DNAH3: variants seen among roughly 807,000 people sequenced by gnomAD.
The protein encoded by DNAH3 is dynein axonemal heavy chain 3.
Under a neutral mutation model 432.5 loss-of-function variants are expected in DNAH3, and 332 were observed. The observed-to-expected ratio is 0.77, with a 90% CI of 0.70 to 0.84. The LOEUF is 0.84. Among genes scored for constraint, DNAH3 ranks in the 40% least tolerant of loss-of-function variants. The probability of loss-of-function intolerance (pLI) is 0.00; values close to 1 mark genes in which losing one functional copy is unlikely to be tolerated. For synonymous variants in DNAH3, 1,956 were observed against 1,900.2 expected, an observed-to-expected ratio of 1.03 and a Z score of -0.76; for missense variants, 4,861 against 5,114.0, an observed-to-expected ratio of 0.95 and a Z score of 1.51.
chr16:21,136,415 C>T lies in DNAH3; in HGVS notation c.795G>A (p.Thr265=), dbSNP rs368240270. ...GCTCCAGGAAGGGACTCGTCAGCAG[C>T]GTGTTAGAAATCAGCTTTGAAATCC... Residue 265 remains threonine (T), a synonymous_variant, in exon 6 of 62, where the codon ACG becomes ACA. Transcript: ENST00000261383. 7.4e-6 allele frequency: 12 copies of T among 1,613,954 alleles called. No homozygotes were observed. The East Asian group carries it at 1.1e-4, about 15-fold the overall frequency.
chr16:20,935,435 G>C lies in DNAH3; in HGVS notation c.11910C>G (p.Tyr3970Ter). The stretch of plus-strand genomic sequence containing the variant: ...CGCCAGTCAAAAAAGACTGTGTGAA[G>C]TAGAATCCAGAGATCCAAAATACCA... The change falls in exon 61 of 62, where the codon TAC becomes TAG. Residue 3970 changes from tyrosine to a stop codon, truncating the protein, a stop_gained. Transcript: ENST00000261383. LOFTEE classifies it high-confidence loss of function. 6.2e-7 allele frequency: 1 copy of C among 1,612,762 alleles called. No homozygotes were observed. Among genetic ancestry groups the C allele is most frequent in the Non-Finnish European group, 8.5e-7 (1 of 1,179,734 alleles).
intron 33 of DNAH3, among the ~76,000 whole-genome samples, chr16:21,039,118 AATGAGAT>A (rs1398843403): frequency 6.6e-6 from 1 of 152,164 alleles, no homozygotes; most frequent in Non-Finnish European, 1.5e-5. Flanking sequence ...ACAATACTTG[AATGAGAT>A]ATAACCTAGT....
At chr16:21,078,591 G>A (rs150171884) in intron 20 of DNAH3, among the ~76,000 whole-genome samples, 2 of 152,328 alleles carry the variant, frequency 1.3e-5, no homozygotes, top group Admixed American at 6.5e-5. Context: ...TGTGGCTGTG[G>A]CCAAGTCACT....
At chr16:20,998,765 G>T (rs954872089) in intron 43 of DNAH3, among the ~76,000 whole-genome samples, 19 of 149,092 alleles carry the variant, frequency 1.3e-4, no homozygotes, top group Admixed American at 4.7e-4. Flanking sequence ...AAAAAAAAAG[G>T]GGGGGGCTCC....
At chr16:20,952,647 A>T in intron 55 of DNAH3, 98 bp from the exon 56 acceptor site, 1 of 773,904 alleles carries the variant, frequency 1.3e-6, no homozygotes, top group Non-Finnish European at 2.3e-6. Flanking sequence ...ATGGATCAAA[A>T]GCCTCTTTCA....
chr16:21,101,336 G>GT (rs2091832277), intron 16 of DNAH3, among the ~76,000 whole-genome samples: 3 of 152,180 alleles, frequency 2.0e-5, no homozygotes, highest in Non-Finnish European at 2.9e-5. Context: ...TTGAACCATC[G>GT]TAAGTCAGTG....
At chr16:20,968,996 C>T (rs1436371143) in intron 52 of DNAH3, among the ~76,000 whole-genome samples, 1 of 151,874 alleles carries the variant, frequency 6.6e-6, no homozygotes, top group Non-Finnish European at 1.5e-5. Context: ...TCTATTTCTA[C>T]CTGTTTCTCT....
intron 23 of DNAH3, among the ~76,000 whole-genome samples, chr16:21,068,220 G>T (rs1475330361): frequency 6.6e-6 from 1 of 151,808 alleles, no homozygotes; most frequent in African/African-American, 2.4e-5. Flanking sequence ...ATCCTTCAAG[G>T]CTTGATCCCA....
chr16:20,984,776 A>C (rs1046610411), intron 48 of DNAH3, among the ~76,000 whole-genome samples: 1 of 152,128 alleles, frequency 6.6e-6, no homozygotes, highest in Admixed American at 6.5e-5. Context: ...GAGGCACCAG[A>C]ATCGCTTGAA....
At chr16:20,988,589 G>A (rs1250894747) in intron 44 of DNAH3, among the ~76,000 whole-genome samples, 1 of 152,154 alleles carries the variant, frequency 6.6e-6, no homozygotes, top group Non-Finnish European at 1.5e-5. Flanking sequence ...GCAGGCATGA[G>A]ACACCGCGCC....
Position 20,936,863 on chromosome 16 carries a change from C to T in DNAH3, c.11655-10G>A, listed in dbSNP as rs781049473. ...AACCACTTTGGTCAGCCTGCAAGAA[C>T]AGAGGAGCTGGCTGAGCTGGGCTCT... On this transcript the variant is annotated splice_polypyrimidine_tract_variant and intron_variant, in intron 59 of 61. Transcript: ENST00000261383. 3 of 1,605,030 alleles carry T rather than the reference C, an allele frequency of 1.9e-6. No individual in the cohort carries two copies. The highest frequency in any genetic ancestry group is 1.3e-5 in the African/African-American group (1 of 74,864).
chr16:20,972,929 A>G (rs1324555997), intron 51 of DNAH3, among the ~76,000 whole-genome samples: 1 of 151,610 alleles, frequency 6.6e-6, no homozygotes, highest in Non-Finnish European at 1.5e-5. Flanking sequence ...GGGTTTCACC[A>G]TATTGGCCAG....
At chr16:20,975,586 AAC>A (rs2085550943) in intron 50 of DNAH3, among the ~76,000 whole-genome samples, 171 bp from the exon 51 acceptor site, 2 of 152,352 alleles carry the variant, frequency 1.3e-5, no homozygotes, top group African/African-American at 4.8e-5. Context: ...TAGGTTTTTC[AAC>A]ACAGTTATTG....
chr16:21,142,545 A>G (rs753487787), intron 3 of DNAH3, among the ~76,000 whole-genome samples: 1 of 152,188 alleles, frequency 6.6e-6, no homozygotes, highest in Non-Finnish European at 1.5e-5. Flanking sequence ...AATTAATTCA[A>G]TAAGTGATAT....
chr16:20,959,610 AACACACACACACACACACACACACAC>A (rs55757849), intron 53 of DNAH3, among the ~76,000 whole-genome samples: 7 of 137,564 alleles, frequency 5.1e-5, no homozygotes, highest in African/African-American at 1.1e-4. Flanking sequence ...TCTCTATTTA[AACACACACACACACACACACACACAC>A]ACACACACAC....
At chr16:21,121,948 G>A (rs1359633833) in exon 10 of DNAH3, 5 of 1,607,608 alleles carry the variant, frequency 3.1e-6, no homozygotes, top group Non-Finnish European at 4.2e-6. Flanking sequence ...ACTATACCTT[G>A]GGGATCCCAT....
In DNAH3 at chr16:21,114,215, G is replaced by A. The variant is rs368967062; in HGVS notation, c.1815-2117C>T. ...AAGCAAAACCGCAGACAAAGGGGAC[G>A]CCTGTGATTCCTATCCCTTCTTCAA... On this transcript the variant is annotated intron_variant, in intron 12 of 61. Transcript: ENST00000261383. Among the ~76,000 whole-genome samples, 59 of 152,246 alleles carry A rather than the reference G, an allele frequency of 3.9e-4. 1 individual carries two copies. In the East Asian group the frequency reaches 5.4e-3, roughly 14 times the overall value.
At chr16:20,960,273 T>C (rs981401678) in intron 53 of DNAH3, among the ~76,000 whole-genome samples, 2 of 152,124 alleles carry the variant, frequency 1.3e-5, no homozygotes, top group African/African-American at 4.8e-5. Flanking sequence ...TTACTCTAGA[T>C]GTTAAAGTTT....
exon 24 of DNAH3, chr16:21,067,318 A>G: frequency 6.2e-7 from 1 of 1,614,160 alleles, no homozygotes; most frequent in Middle Eastern, 1.6e-4. Flanking sequence ...CCAAGTAATC[A>G]TTCAGCCCTT....
Sources: gnomAD v4.1 joint callset for allele counts (sites outside exome capture counted in the v4.1 genomes callset) on GRCh38, gnomAD v4.1.1 for gene constraint, MANE v1.5 for transcripts, NCBI Gene and HGNC (gene_info 2026-07-23, HGNC 2026-07-21) for gene names.